Variants in FBXO40 observed in about 807,000 individuals in gnomAD.
The protein encoded by FBXO40 is F-box protein 40, also known as F-box only protein 40.
In FBXO40, 50 loss-of-function variants were observed where a neutral mutation model predicts 49.9. That is an observed-to-expected ratio of 1.00 (90% CI 0.80 to 1.27). The LOEUF is 1.27. Ranked by LOEUF, FBXO40 falls within the 50% of genes most tolerant of loss-of-function variation. The pLI, the probability that FBXO40 is intolerant of heterozygous loss-of-function variation, is 0.00. For synonymous variants in FBXO40, 340 were observed against 320.2 expected (o/e 1.06, Z -0.66); for missense variants, 895 against 870.1 (o/e 1.03, Z -0.36).
At chr3:121,613,398 G>A (rs3845862) in intron 1 of FBXO40, among the ~76,000 whole-genome samples, 74,108 of 151,810 alleles carry the variant, frequency 0.49, 18,695 homozygotes, top group Admixed American at 0.58. Flanking sequence ...ACCCAGCGAA[G>A]AAAAGATGAT....
chr3:121,620,526 A>T lies in FBXO40; in HGVS notation c.-30-20A>T. 6.2e-7 allele frequency: 1 copy of T among 1,610,886 alleles called. No individual in the cohort carries two copies. The highest frequency in any genetic ancestry group is 2.2e-5 in the East Asian group (1 of 44,844). On this transcript the variant is annotated intron_variant, in intron 1 of 3. Transcript: ENST00000338040. ...TAACTGTTTTTCTTACTAATTATTT[A>T]TATTCATATTTTCCCGTAGAGCTAA...
chr3:121,621,099 T>C (rs2049027066), intron 2 of FBXO40, among the ~76,000 whole-genome samples: 1 of 152,258 alleles, frequency 6.6e-6, no homozygotes. Context: ...GGATGAAAAG[T>C]TGTATTCATA....
chr3:121,625,456 T>G (rs1451803798), intron 3 of FBXO40, among the ~76,000 whole-genome samples: 1 of 152,226 alleles, frequency 6.6e-6, no homozygotes, highest in East Asian at 1.9e-4. Context: ...TGAGCAGTCT[T>G]CCTCAAAAAG....
At chr3:121,605,007 C>T (rs930245699) in intron 1 of FBXO40, among the ~76,000 whole-genome samples, 1 of 151,902 alleles carries the variant, frequency 6.6e-6, no homozygotes, top group Non-Finnish European at 1.5e-5. Context: ...CAGTCTCCCT[C>T]TGTTGCCGAG....
At chr3:121,607,482 T>G (rs1576451646) in intron 1 of FBXO40, among the ~76,000 whole-genome samples, 1 of 151,768 alleles carries the variant, frequency 6.6e-6, no homozygotes, top group East Asian at 2.0e-4. Flanking sequence ...GCTAATTTTT[T>G]GTATTTTTAG....
At chr3:121,610,929 T>G (rs1389634249) in intron 1 of FBXO40, among the ~76,000 whole-genome samples, 1 of 152,168 alleles carries the variant, frequency 6.6e-6, no homozygotes, top group Non-Finnish European at 1.5e-5. Context: ...TAACTCCAAT[T>G]TAGGTCCCAG....
intron 1 of FBXO40, among the ~76,000 whole-genome samples, chr3:121,594,134 C>T (rs2048857523): frequency 6.6e-6 from 1 of 151,784 alleles, no homozygotes; most frequent in Non-Finnish European, 1.5e-5. Flanking sequence ...TCCAAAAGCG[C>T]TGGGATTACA....
At chr3:121,614,192 G>A (rs1170201212) in intron 1 of FBXO40, among the ~76,000 whole-genome samples, 7 of 150,288 alleles carry the variant, frequency 4.7e-5, no homozygotes, top group East Asian at 1.9e-4. Context: ...GCTTGAATCC[G>A]GAAGGCGGAG....
chr3:121,600,200 T>C (rs2048895352), intron 1 of FBXO40, among the ~76,000 whole-genome samples: 1 of 147,254 alleles, frequency 6.8e-6, no homozygotes, highest in African/African-American at 2.5e-5. Context: ...GCTGATTTTT[T>C]TTTTTTTTTT....
intron 1 of FBXO40, among the ~76,000 whole-genome samples, chr3:121,616,676 G>T (rs1047409200): frequency 6.6e-6 from 1 of 152,158 alleles, no homozygotes; most frequent in African/African-American, 2.4e-5. Flanking sequence ...TCACTTACTG[G>T]CAAGTAGTAG....
At chr3:121,620,828 T>C (rs556092992) in intron 2 of FBXO40, among the ~76,000 whole-genome samples, 2 of 152,272 alleles carry the variant, frequency 1.3e-5, no homozygotes, top group South Asian at 2.1e-4. Flanking sequence ...AAGCCAGCAA[T>C]AATCTAAATG....
At chr3:121,601,451 T>G (rs2048901018) in intron 1 of FBXO40, among the ~76,000 whole-genome samples, 1 of 152,148 alleles carries the variant, frequency 6.6e-6, no homozygotes, top group Admixed American at 6.5e-5. Flanking sequence ...AGGGACATTT[T>G]CAAGTAACTT....
At chr3:121,603,428 T>C (rs1445720902) in intron 1 of FBXO40, among the ~76,000 whole-genome samples, 2 of 152,190 alleles carry the variant, frequency 1.3e-5, no homozygotes, top group Non-Finnish European at 2.9e-5. Context: ...TCACTAAAGG[T>C]AGTGGCTGTC....
intron 1 of FBXO40, among the ~76,000 whole-genome samples, chr3:121,613,514 G>T (rs2048978897): frequency 6.6e-6 from 1 of 152,152 alleles, no homozygotes; most frequent in Non-Finnish European, 1.5e-5. Flanking sequence ...CCGGCTGTCC[G>T]TGACCAGCCA....
At chr3:121,616,589 T>C (rs1387157278) in intron 1 of FBXO40, among the ~76,000 whole-genome samples, 2 of 152,164 alleles carry the variant, frequency 1.3e-5, no homozygotes, top group Non-Finnish European at 2.9e-5. Context: ...GATCTATAGG[T>C]TTAGCAAGCA....
chr3:121,619,658 G>C (rs1297285616), intron 1 of FBXO40, among the ~76,000 whole-genome samples: 1 of 152,118 alleles, frequency 6.6e-6, no homozygotes, highest in African/African-American at 2.4e-5. Context: ...TGTATATTTA[G>C]GTCATTTACT....
At position 121,628,169 on chromosome 3, in the gene FBXO40, C is replaced by CTT. The variant is rs547251674; in HGVS notation, c.*1271_*1272dup. The CTT allele has an allele frequency of 8.0e-3, 2,147 of 268,574 alleles. No individual in the cohort carries two copies. Among genetic ancestry groups the CTT allele is most frequent in the Non-Finnish European group, 0.011 (1,602 of 146,512 alleles). The allele number at this position is 268,574 out of a possible 1,614,324, so 16.6% of individuals were successfully genotyped here. On this transcript the variant is annotated 3_prime_UTR_variant, in exon 4 of 4. Transcript: ENST00000338040. ...TATTGACATTTTTAAATGGATAATT[C>CTT]TTTTTTTTTTTTTCTAGGTGGGGAG...
intron 3 of FBXO40, 88 bp from the exon 4 acceptor site, chr3:121,626,607 G>C: frequency 1.7e-6 from 2 of 1,144,766 alleles, no homozygotes; most frequent in Admixed American, 3.4e-5. Flanking sequence ...ATGAAGAACA[G>C]GAGGATATTT....
At position 121,622,229 on chromosome 3, in the gene FBXO40, AAGAACCACAGGAAAATC is replaced by A. The variant is rs758626441; in HGVS notation, c.805_821del (p.Pro269AlafsTer34). On this transcript the variant is annotated frameshift_variant, in exon 3 of 4. Coordinates refer to ENST00000338040, the MANE Select transcript of FBXO40 (RefSeq NM_016298.4). LOFTEE classifies it high-confidence loss of function. ...GAAGGAGAGGGCGCTCCCAAAAAGA[AAGAACCACAGGAAAATC>A]AGAAGCAGCAGGACGTTCGTACAGC... 1 of 1,614,214 alleles carries A rather than the reference AAGAACCACAGGAAAATC, an allele frequency of 6.2e-7. No individual in the cohort carries two copies. The highest frequency in any genetic ancestry group is 8.5e-7 in the Non-Finnish European group (1 of 1,180,030).
Sources: allele counts gnomAD v4.1 joint callset (sites outside exome capture counted in the v4.1 genomes callset), GRCh38; gene constraint gnomAD v4.1.1; transcripts MANE v1.5; gene names NCBI Gene and HGNC (gene_info 2026-07-23, HGNC 2026-07-21).